Variants in TRHDE observed in about 807,000 individuals in gnomAD.
TRHDE encodes the protein thyrotropin-releasing hormone-degrading ectoenzyme.
In TRHDE, 72 loss-of-function variants were observed where a neutral mutation model predicts 125.7. The ratio of observed to expected loss-of-function variants is 0.57; its 90% CI spans 0.47 to 0.70. The LOEUF is 0.70. TRHDE is among the 30% of genes least tolerant of loss of function. The pLI is 0.00. For synonymous variants in TRHDE, 509 were observed against 509.1 expected, an observed-to-expected ratio of 1.00 and a Z score of 0.00; for missense variants, 1,110 against 1,327.1, an observed-to-expected ratio of 0.84 and a Z score of 2.54.
At chr12:72,386,521 T>A (rs1872423486) in intron 3 of TRHDE, among the ~76,000 whole-genome samples, 1 of 152,152 alleles carries the variant, frequency 6.6e-6, no homozygotes, top group Non-Finnish European at 1.5e-5. Context: ...TTTCTCTTTA[T>A]TGAATTTTTC....
At chr12:72,216,066 T>C (rs142614423) in intron 2 of TRHDE, among the ~76,000 whole-genome samples, 33 of 152,276 alleles carry the variant, frequency 2.2e-4, no homozygotes, top group African/African-American at 7.0e-4. Context: ...ATTTGTAAGA[T>C]GTAGATAGGA....
At chr12:72,190,631 A>G (rs570356795) in intron 2 of TRHDE, among the ~76,000 whole-genome samples, 273 of 152,280 alleles carry the variant, frequency 1.8e-3, no homozygotes, top group African/African-American at 6.1e-3. Context: ...AATTGTTTGT[A>G]TCCATGTGAA....
At chr12:72,459,118 C>T (rs1034034543) in intron 3 of TRHDE, among the ~76,000 whole-genome samples, 2 of 152,138 alleles carry the variant, frequency 1.3e-5, no homozygotes, top group South Asian at 4.1e-4. Flanking sequence ...TCATGGTCCC[C>T]TTCTATCTTC....
intron 3 of TRHDE, among the ~76,000 whole-genome samples, chr12:72,432,621 A>C (rs549919011): frequency 6.6e-6 from 1 of 152,136 alleles, no homozygotes; most frequent in Non-Finnish European, 1.5e-5. Flanking sequence ...CCCCCACAGC[A>C]GACATCATCA....
intron 3 of TRHDE, among the ~76,000 whole-genome samples, chr12:72,411,316 C>T (rs1187621815): frequency 1.3e-5 from 2 of 151,232 alleles, no homozygotes; most frequent in African/African-American, 2.4e-5. Flanking sequence ...CAATAAGGTG[C>T]ATATTAATAT....
intron 2 of TRHDE, among the ~76,000 whole-genome samples, chr12:72,218,980 C>A (rs2139366807): frequency 6.6e-6 from 1 of 152,136 alleles, no homozygotes; most frequent in South Asian, 2.1e-4. Context: ...TTGGTCAAGT[C>A]CAATCTAAAT....
At chr12:72,601,592 A>AG (rs1441892572) in intron 12 of TRHDE, among the ~76,000 whole-genome samples, 1 of 152,156 alleles carries the variant, frequency 6.6e-6, no homozygotes, top group African/African-American at 2.4e-5. Flanking sequence ...CAATCAATGC[A>AG]GCAAACGTGA....
At chr12:72,193,104 T>A (rs58601200) in intron 2 of TRHDE, among the ~76,000 whole-genome samples, 331 of 152,206 alleles carry the variant, frequency 2.2e-3, no homozygotes, top group African/African-American at 7.2e-3. Flanking sequence ...TCAAATAAAA[T>A]TTTTGGCTAG....
chr12:72,608,925 G>A (rs538307334), intron 12 of TRHDE, among the ~76,000 whole-genome samples: 1 of 152,152 alleles, frequency 6.6e-6, no homozygotes, highest in Non-Finnish European at 1.5e-5. Flanking sequence ...ACCTGGGGGG[G>A]TTAGAAAACT....
chr12:72,350,504 T>A (rs2135739811), intron 2 of TRHDE, among the ~76,000 whole-genome samples: 1 of 152,166 alleles, frequency 6.6e-6, no homozygotes, highest in East Asian at 1.9e-4. Context: ...TCCAAGGACA[T>A]ATACTGGTAA....
upstream of TRHDE, among the ~76,000 whole-genome samples, chr12:72,267,497 A>G (rs78278450): frequency 3.3e-5 from 5 of 152,012 alleles, no homozygotes; most frequent in Non-Finnish European, 5.9e-5. Context: ...AAACATAATC[A>G]TGAGACTTTT....
intron 1 of TRHDE, among the ~76,000 whole-genome samples, chr12:72,102,446 G>T (rs1875090160): frequency 6.6e-6 from 1 of 152,176 alleles, no homozygotes; most frequent in Admixed American, 6.5e-5. Flanking sequence ...GATTGTCTTA[G>T]ATGACCTAAA....
In TRHDE at chr12:72,597,747, A is replaced by G. The variant is rs1335827580; in HGVS notation, c.2322-21144A>G. On this transcript the variant is annotated intron_variant, in intron 12 of 18. Coordinates refer to ENST00000261180, the MANE Select transcript of TRHDE (RefSeq NM_013381.3). ...TATATATATATATATATATATATAT[A>G]TATATATATATGCATACACACACAA... Among the ~76,000 whole-genome samples, 108 of 12,820 alleles carry G rather than the reference A, an allele frequency of 8.4e-3. 11 individuals are homozygous for G. The highest frequency in any genetic ancestry group is 0.026 in the African/African-American group (106 of 4,116). 8.4% of individuals were successfully genotyped at this position (12,820 alleles called of 152,430 possible).
intron 10 of TRHDE, among the ~76,000 whole-genome samples, chr12:72,570,994 T>A (rs200376183): frequency 6.1e-5 from 6 of 97,618 alleles, no homozygotes; most frequent in Middle Eastern, 6.0e-3. Context: ...TTCCTGAAAA[T>A]TTTGTAAATA....
chr12:72,247,281 T>TA (rs796697020), intron 2 of TRHDE, among the ~76,000 whole-genome samples: 1 of 152,060 alleles, frequency 6.6e-6, no homozygotes, highest in Non-Finnish European at 1.5e-5. Flanking sequence ...AACTATTAAT[T>TA]AAAAAAAATT....
intron 2 of TRHDE, among the ~76,000 whole-genome samples, chr12:72,160,586 G>A (rs1422331395): frequency 2.0e-5 from 3 of 152,120 alleles, no homozygotes; most frequent in East Asian, 3.9e-4. Context: ...CTACTTGGGA[G>A]GCTGAGGCAG....
intron 10 of TRHDE, among the ~76,000 whole-genome samples, chr12:72,568,956 ATATAAT>A (rs1364388457): frequency 6.6e-6 from 1 of 152,208 alleles, no homozygotes; most frequent in Non-Finnish European, 1.5e-5. Flanking sequence ...TGTAATTAAA[ATATAAT>A]TATAACCTCA....
chr12:72,401,654 A>G (rs1480626014), intron 3 of TRHDE, among the ~76,000 whole-genome samples: 2 of 152,222 alleles, frequency 1.3e-5, no homozygotes, highest in Non-Finnish European at 2.9e-5. Context: ...TTAAACATCT[A>G]TGTAAATTAT....
In TRHDE at chr12:72,442,389, C is replaced by T. The variant is rs1875058543; in HGVS notation, c.1316-27369C>T. 2.0e-5 allele frequency among the ~76,000 whole-genome samples: 3 copies of T among 151,896 alleles called. No individual in the cohort carries two copies. The South Asian group carries it at 6.2e-4, about 32-fold the overall frequency. The stretch of plus-strand genomic sequence containing the variant: ...GATTTACTCTGTCACTTCTTTACCA[C>T]TTAGTCACTCCTGAGCCTACAGCAG... On this transcript the variant is annotated intron_variant, in intron 3 of 18. Transcript: ENST00000261180.
Sources: allele counts gnomAD v4.1 joint callset (sites outside exome capture counted in the v4.1 genomes callset), GRCh38; gene constraint gnomAD v4.1.1; transcripts MANE v1.5; gene names NCBI Gene and HGNC (gene_info 2026-07-23, HGNC 2026-07-21).